The following SMG1 variants were observed in gnomAD, a reference collection of about 807,000 sequenced individuals.
SMG1 encodes the protein SMG1 nonsense mediated mRNA decay associated PI3K related kinase, also known as serine/threonine-protein kinase SMG1.
A neutral mutation model predicts 419.9 loss-of-function variants in SMG1; 22 were observed. The ratio of observed to expected loss-of-function variants is 0.05; its 90% CI spans 0.04 to 0.07. The LOEUF is 0.07. Ranked by LOEUF, SMG1 falls within the 10% of genes least tolerant of loss-of-function variation. SMG1 has a pLI of 1.00. For synonymous variants in SMG1, 1,538 were observed against 1,553.5 expected (o/e 0.99, Z 0.23); for missense variants, 3,185 against 4,342.0 (o/e 0.73, Z 7.49).
rs1454337944 is a variant in SMG1, at chr16:18,876,169, G to A, written c.1845C>T (p.Leu615=). The stretch of plus-strand genomic sequence containing the variant: ...CATTTCCAATTGTAGTCAGGGCACT[G>A]AGGTCAAATATAACTACAAATTTTG... The part of the protein sequence containing the change: ...DNAKFVVIFD[L]SALTTIGNAK... The change falls in exon 13 of 63, where the codon CTC becomes CTT. Residue 615 remains leucine, a synonymous_variant. Coordinates refer to ENST00000446231, the MANE Select transcript of SMG1 (RefSeq NM_015092.5). The A allele has an allele frequency of 6.2e-7, 1 of 1,611,772 alleles. No homozygotes were observed. Among genetic ancestry groups the A allele is most frequent in the South Asian group, 1.1e-5 (1 of 90,974 alleles).
At chr16:18,898,482 C>T (rs1178459734) in intron 1 of SMG1, among the ~76,000 whole-genome samples, 1 of 151,986 alleles carries the variant, frequency 6.6e-6, no homozygotes, top group Non-Finnish European at 1.5e-5. Flanking sequence ...CTCAATGGAC[C>T]ATAACTTTTT....
Position 18,834,501 on chromosome 16 carries a change from C to A in SMG1, c.8331-63G>T. On this transcript the variant is annotated intron_variant, in intron 49 of 62. Transcript: ENST00000446231. Reference sequence around the variant, plus strand: ...GTATAAACAAAACAAGGTAACTGGCCGGGTCAAGGCCATGCCTGTAATTCC... The same window carrying A: ...GTATAAACAAAACAAGGTAACTGGCAGGGTCAAGGCCATGCCTGTAATTCC... 3 of 1,464,056 alleles carry A rather than the reference C, an allele frequency of 2.0e-6. No homozygotes were observed. The South Asian group carries it at 3.7e-5, about 18-fold the overall frequency. The allele number at this position is 1,464,056 out of a possible 1,614,324, so 90.7% of individuals were successfully genotyped here.
rs776612893 is a variant in SMG1, at chr16:18,828,099, T to G, written c.9673A>C (p.Ile3225Leu). The G allele has an allele frequency of 9.9e-6, 16 of 1,613,578 alleles. No homozygotes were observed. The highest frequency in any genetic ancestry group is 1.7e-5 in the Admixed American group (1 of 59,952). ...MSVTPPPRSA[I>L]LTSMKKKLHT... Reference sequence around the variant, plus strand: ...AGCTTCTTTTTCATGCTGGTTAGGATAGCAGACCGTGGGGGAGGTGTGACT... The same window carrying G: ...AGCTTCTTTTTCATGCTGGTTAGGAGAGCAGACCGTGGGGGAGGTGTGACT... Residue 3225 changes from isoleucine (I) to leucine (L), a missense_variant, in exon 55 of 63, where the codon ATC becomes CTC. Ile to Leu is a conservative substitution (Grantham distance 5, BLOSUM62 2). Transcript: ENST00000446231.
chr16:18,821,201 C>A, intron 55 of SMG1, among the ~76,000 whole-genome samples: 1 of 145,162 alleles, frequency 6.9e-6, no homozygotes, highest in African/African-American at 2.6e-5. Flanking sequence ...CATTAAAAAC[C>A]TGAGATATTT....
intron 1 of SMG1, among the ~76,000 whole-genome samples, chr16:18,902,188 T>C (rs995902014): frequency 2.0e-5 from 3 of 152,142 alleles, no homozygotes; most frequent in Non-Finnish European, 2.9e-5. Flanking sequence ...TTCATGAGTA[T>C]TGTCGCACAC....
chr16:18,869,761 C>T (rs1271303701), intron 19 of SMG1, 93 bp downstream of exon 19: 5 of 1,044,724 alleles, frequency 4.8e-6, no homozygotes, highest in South Asian at 1.4e-5. Context: ...ACTCTGCCAC[C>T]CCCAAACATA....
At chr16:18,859,255 A>T in intron 27 of SMG1, 74 bp from the exon 28 acceptor site, 1 of 1,186,028 alleles carries the variant, frequency 8.4e-7, no homozygotes, top group Non-Finnish European at 1.2e-6. Context: ...GCAATTGATA[A>T]GATGCTATCA....
At chr16:18,925,729 G>C (rs1363061274) in intron 1 of SMG1, 2 of 287,922 alleles carry the variant, frequency 6.9e-6, no homozygotes, top group African/African-American at 2.3e-5. Context: ...CCCGGGTCTC[G>C]GCTCCAGCCC....
At position 18,811,865 on chromosome 16, in the gene SMG1, C is replaced by T. The variant is rs779407366; in HGVS notation, c.10804G>A (p.Val3602Met). ...AVRDPKTGKA[V>M]QERNSYAVSV... ...ACTGCATAGGAGTTTCTCTCTTGCACCGCTATGAAGCAACAAAAACATACG... is the reference window on the plus strand; with the variant it reads ...ACTGCATAGGAGTTTCTCTCTTGCATCGCTATGAAGCAACAAAAACATACG... The change falls in exon 62 of 63, where the codon GTG (valine) becomes ATG (methionine). Residue 3602 changes from valine to methionine, a missense_variant and splice_region_variant. Coordinates refer to ENST00000446231, the MANE Select transcript of SMG1 (RefSeq NM_015092.5). 1 of 1,613,898 alleles carries T rather than the reference C, an allele frequency of 6.2e-7. No individual in the cohort carries two copies. Among genetic ancestry groups the T allele is most frequent in the Admixed American group, 1.7e-5 (1 of 60,004 alleles).
rs749581428 is a variant in SMG1 at position 18,872,297 on chromosome 16, C to T, written c.2070G>A (p.Leu690=). Residue 690 remains leucine (L), a synonymous_variant, in exon 15 of 63, where the codon TTG becomes TTA. Transcript: ENST00000446231. ...CAGTGCTAATCACAGCTCCATCAAA[C>T]AAAGAAGGAGAGGAAGAACTGAGGC... The part of the protein sequence containing the change: ...SSSLSSSSPS[L]FDGAVISTVT... 3 of 1,595,448 alleles carry T rather than the reference C, an allele frequency of 1.9e-6. No individual in the cohort carries two copies. In the Admixed American group the frequency reaches 5.2e-5, roughly 28 times the overall value.
In SMG1 at chr16:18,900,072, G is replaced by A. The variant is rs1596626580; in HGVS notation, c.93-3116C>T. ...GTAAGACAGTAGTTACAATATTAGT[G>A]AAGACAGTGGGTTAAAACATTTGTT... On this transcript the variant is annotated intron_variant, in intron 1 of 62. Coordinates refer to ENST00000446231, the MANE Select transcript of SMG1 (RefSeq NM_015092.5). 5.1e-6 allele frequency: 6 copies of A among 1,181,740 alleles called. No homozygotes were observed. In the East Asian group the frequency reaches 1.5e-4, roughly 30 times the overall value. The allele number at this position is 1,181,740 out of a possible 1,614,324, so 73.2% of individuals were successfully genotyped here. A position where few individuals can be genotyped will look rare whatever the true frequency, so the allele number is the denominator to read the frequency against.
intron 13 of SMG1, among the ~76,000 whole-genome samples, chr16:18,874,919 T>C (rs112021871): frequency 0.069 from 9,069 of 130,992 alleles, 406 homozygotes; most frequent in African/African-American, 0.1. Context: ...TTTTTTTTTT[T>C]CCCCTAAAAG....
rs755270887 is a variant in SMG1 at position 18,832,535 on chromosome 16, C to T, written c.8792+405G>A. 5.9e-5 allele frequency among the ~76,000 whole-genome samples: 9 copies of T among 151,834 alleles called. 1 individual carries two copies. In the South Asian group the frequency reaches 1.7e-3, roughly 28 times the overall value. On this transcript the variant is annotated intron_variant, in intron 51 of 62. Transcript: ENST00000446231. The stretch of plus-strand genomic sequence containing the variant: ...GTGTGTATGTACATGTACATAACTA[C>T]AAGCACTAAAAGGATATATGTATGT...
chr16:18,885,233 C>T (rs2141745070), intron 7 of SMG1, 71 bp from the exon 8 acceptor site: 1 of 691,662 alleles, frequency 1.4e-6, no homozygotes, highest in East Asian at 2.7e-5. Flanking sequence ...TGGACCATTT[C>T]ACAGCAAAAG....
chr16:18,813,012 T>G (rs977210457), intron 60 of SMG1, among the ~76,000 whole-genome samples: 1 of 152,186 alleles, frequency 6.6e-6, no homozygotes, highest in African/African-American at 2.4e-5. Context: ...TCCTTTTTTA[T>G]GGCTGCATAG....
intron 1 of SMG1, among the ~76,000 whole-genome samples, chr16:18,918,325 A>G (rs1292704721): frequency 1.3e-5 from 2 of 152,180 alleles, no homozygotes; most frequent in East Asian, 1.9e-4. Flanking sequence ...CAAGGCCTAC[A>G]ATAGGGTTCC....
rs115441353 is a variant in SMG1, at chr16:18,843,161, G to A, written c.6220-707C>T. ...GGTACAGCTAGCAGTCGGCTGTCAG[G>A]TCGACAAAACTTTAAAAAGCCACCT... is the stretch of plus-strand genomic sequence containing the variant. On this transcript the variant is annotated intron_variant, in intron 39 of 62. Transcript: ENST00000446231. Among the ~76,000 whole-genome samples the A allele has an allele frequency of 1.5e-3, 226 of 152,290 alleles. 1 individual carries two copies. The highest frequency in any genetic ancestry group is 5.2e-3 in the African/African-American group (216 of 41,556).
chr16:18,852,421 A>T lies in SMG1; in HGVS notation c.4810T>A (p.Leu1604Met). Residue 1604 changes from leucine (L) to methionine (M), a missense_variant, in exon 32 of 63, where the codon TTG becomes ATG. Leu to Met is a conservative substitution (Grantham distance 15). Coordinates refer to ENST00000446231, the MANE Select transcript of SMG1 (RefSeq NM_015092.5). ...VGEPDFILGQ[L>M]YHLSSVQAPE... The stretch of plus-strand genomic sequence containing the variant: ...GCCTGTACTGAAGACAGGTGATACA[A>T]CTGTCCCAAAATGAAGTCAGGTTCT... 1 of 1,605,244 alleles carries T rather than the reference A, an allele frequency of 6.2e-7. No homozygotes were observed. Among genetic ancestry groups the T allele is most frequent in the Admixed American group, 1.7e-5 (1 of 58,556 alleles).
At chr16:18,887,672 TAAA>T (rs368196825) in intron 6 of SMG1, among the ~76,000 whole-genome samples, 695 of 65,680 alleles carry the variant, frequency 0.011, 19 homozygotes, top group South Asian at 0.016. Context: ...ACTTTTTATT[TAAA>T]AAAAAAAAAA....
Sources: allele counts gnomAD v4.1 joint callset (sites outside exome capture counted in the v4.1 genomes callset), GRCh38; gene constraint gnomAD v4.1.1; transcripts MANE v1.5; gene names NCBI Gene and HGNC (gene_info 2026-07-23, HGNC 2026-07-21).